The following FUBP3 variants were observed in gnomAD, a reference collection of about 807,000 sequenced individuals.
The protein encoded by FUBP3 is far upstream element binding protein 3.
In FUBP3, 28 loss-of-function variants were observed where a neutral mutation model predicts 85.6. That is an observed-to-expected ratio of 0.33 (90% CI 0.24 to 0.45). FUBP3 has a LOEUF of 0.45. Among genes scored for constraint, FUBP3 ranks in the 20% least tolerant of loss-of-function variants. The pLI is 1.00. For missense variants in FUBP3, 583 were observed against 755.1 expected (o/e 0.77, Z 2.67); for synonymous variants, 271 against 271.4 (o/e 1.00, Z 0.01).
At chr9:130,581,409 C>G (rs954385891) in intron 1 of FUBP3, 2 of 152,126 alleles carry the variant, frequency 1.3e-5, no homozygotes, top group Non-Finnish European at 2.9e-5. Flanking sequence ...AGTAATAAGC[C>G]CAATGGAGAC....
At chr9:130,629,540 C>T (rs937467299) in intron 12 of FUBP3, among the ~76,000 whole-genome samples, 5 of 152,292 alleles carry the variant, frequency 3.3e-5, no homozygotes, top group African/African-American at 1.2e-4. Context: ...CCTTTAGCGT[C>T]CCCTCCCTAC....
chr9:130,621,021 A>G (rs560491404), intron 9 of FUBP3, among the ~76,000 whole-genome samples: 3 of 152,126 alleles, frequency 2.0e-5, no homozygotes, highest in Non-Finnish European at 2.9e-5. Context: ...ATGGGTACAG[A>G]GTTGTTGGGG....
intron 1 of FUBP3, among the ~76,000 whole-genome samples, chr9:130,582,968 T>G (rs1830196241): frequency 6.6e-6 from 1 of 152,224 alleles, no homozygotes; most frequent in African/African-American, 2.4e-5. Context: ...GCATTAGATC[T>G]GTTTTGATCT....
intron 2 of FUBP3, among the ~76,000 whole-genome samples, chr9:130,603,348 A>AAAG (rs1831256131): frequency 3.6e-5 from 1 of 27,430 alleles, no homozygotes; most frequent in African/African-American, 2.8e-4. Flanking sequence ...CTCTGTCTCC[A>AAAG]AAAAAAAAAA....
At position 130,622,759 on chromosome 9, in the gene FUBP3, A is replaced by T; in HGVS notation, c.823A>T (p.Met275Leu). The T allele has an allele frequency of 6.2e-7, 1 of 1,603,870 alleles. No individual in the cohort carries two copies. Among genetic ancestry groups the T allele is most frequent in the Non-Finnish European group, 8.5e-7 (1 of 1,172,548 alleles). Reference sequence around the variant, plus strand: ...GATTGTAATAGGAAGAAACGGGGAAATGATCAAAAAGATCCAGAATGATGC... The same window carrying T: ...GATTGTAATAGGAAGAAACGGGGAATTGATCAAAAAGATCCAGAATGATGC... Reference protein sequence around the residue: ...VGIVIGRNGEMIKKIQNDAGV... With the variant: ...VGIVIGRNGELIKKIQNDAGV... The change falls in exon 10 of 19, where the codon ATG (methionine) becomes TTG (leucine). Residue 275 changes from methionine (M) to leucine (L), a missense_variant. Met to Leu is a conservative substitution (Grantham distance 15). Coordinates refer to ENST00000319725, the MANE Select transcript of FUBP3 (RefSeq NM_003934.2).
At chr9:130,627,290 G>T (rs1294613602) in intron 12 of FUBP3, among the ~76,000 whole-genome samples, 2 of 152,260 alleles carry the variant, frequency 1.3e-5, no homozygotes, top group East Asian at 3.8e-4. Context: ...GCTGCCAGCG[G>T]GGGACTCCCG....
At chr9:130,634,760 C>T in intron 17 of FUBP3, 22 bp downstream of exon 17, 1 of 1,589,444 alleles carries the variant, frequency 6.3e-7, no homozygotes, top group Non-Finnish European at 8.6e-7. Flanking sequence ...GCCCTCCTAA[C>T]CTGTGGCAGC....
intron 3 of FUBP3, 109 bp downstream of exon 3, chr9:130,610,096 AT>A: frequency 1.1e-6 from 1 of 919,222 alleles, no homozygotes; most frequent in Admixed American, 1.9e-5. Flanking sequence ...GTGAAAAAGC[AT>A]GGGTTAGGCT....
chr9:130,584,774 C>T (rs1830274183), intron 1 of FUBP3, among the ~76,000 whole-genome samples: 1 of 152,012 alleles, frequency 6.6e-6, no homozygotes, highest in Non-Finnish European at 1.5e-5. Flanking sequence ...GAGGCTGAGG[C>T]AGGAGAATTG....
chr9:130,610,148 G>C (rs1043868599), intron 3 of FUBP3, among the ~76,000 whole-genome samples, 161 bp downstream of exon 3: 3 of 152,198 alleles, frequency 2.0e-5, no homozygotes, highest in African/African-American at 7.2e-5. Flanking sequence ...TTCTAAGATA[G>C]TGTCAGCTCA....
intron 2 of FUBP3, among the ~76,000 whole-genome samples, chr9:130,598,759 C>A (rs7863546): frequency 0.7 from 106,511 of 152,140 alleles, 38,346 homozygotes; most frequent in East Asian, 0.93. Flanking sequence ...TAAATACACA[C>A]GAATTTTTAC....
At chr9:130,597,451 G>C (rs549291613) in intron 2 of FUBP3, among the ~76,000 whole-genome samples, 1 of 152,306 alleles carries the variant, frequency 6.6e-6, no homozygotes, top group African/African-American at 2.4e-5. Flanking sequence ...AATCTTTATT[G>C]CTAAGAAAAA....
chr9:130,624,609 TTGTGTGTGTGTGTGTGTGTGTG>T (rs138986229), intron 11 of FUBP3, among the ~76,000 whole-genome samples: 4 of 143,876 alleles, frequency 2.8e-5, no homozygotes, highest in South Asian at 2.3e-4. Flanking sequence ...TTACAAGATT[TTGTGTGTGTGTGTGTGTGTGTG>T]TGTGTGTGTG....
intron 8 of FUBP3, among the ~76,000 whole-genome samples, 196 bp from the exon 9 acceptor site, chr9:130,620,158 G>A (rs1829688198): frequency 6.6e-6 from 1 of 152,138 alleles, no homozygotes; most frequent in African/African-American, 2.4e-5. Context: ...GTGGACATTT[G>A]GGCAGTGGAA....
chr9:130,624,004 TAATC>T (rs1564218218), intron 11 of FUBP3, among the ~76,000 whole-genome samples: 4 of 151,874 alleles, frequency 2.6e-5, no homozygotes, highest in Non-Finnish European at 5.9e-5. Context: ...AAGTTTCAAA[TAATC>T]AAGTGTATTT....
rs1482944540 is a variant in FUBP3, at chr9:130,635,515, T to TG, written c.1583-479dup. The stretch of plus-strand genomic sequence containing the variant: ...TCATGGCCCTTCTAGGGGTTGGAGG[T>TG]GGGGGTGTTGAGTCATGGTCACCAG... On this transcript the variant is annotated intron_variant, in intron 17 of 18. Coordinates refer to ENST00000319725, the MANE Select transcript of FUBP3 (RefSeq NM_003934.2). This position sits in a 1 kb window ranked among gnomAD's most constrained non-coding sequence, Gnocchi z 4.3. Among the ~76,000 whole-genome samples, 2 of 151,952 alleles carry TG rather than the reference T, an allele frequency of 1.3e-5. No homozygotes were observed. The highest frequency in any genetic ancestry group is 2.9e-5 in the Non-Finnish European group (2 of 67,986).
intron 11 of FUBP3, among the ~76,000 whole-genome samples, chr9:130,625,742 G>A (rs1263488287): frequency 6.6e-6 from 1 of 152,220 alleles, no homozygotes; most frequent in Non-Finnish European, 1.5e-5. Flanking sequence ...ACATGGGGAG[G>A]AGGCCTTGGC....
intron 13 of FUBP3, 88 bp downstream of exon 13, chr9:130,630,876 G>T: frequency 9.8e-7 from 1 of 1,022,304 alleles, no homozygotes; most frequent in South Asian, 2.2e-5. Flanking sequence ...ACCACCTTGT[G>T]CTGCTTGTGC....
chr9:130,589,699 ATATATATTTT>A (rs1444273265), intron 1 of FUBP3, among the ~76,000 whole-genome samples: 29 of 28,568 alleles, frequency 1.0e-3, no homozygotes, highest in African/African-American at 5.3e-3. Context: ...ATATATATAT[ATATATATTTT>A]TTTTTTTTTT....
Sources: gnomAD v4.1 joint callset for allele counts (sites outside exome capture counted in the v4.1 genomes callset) on GRCh38, gnomAD v4.1.1 for gene constraint, Gnocchi (gnomAD v3.1) non-coding constraint, MANE v1.5 for transcripts, NCBI Gene and HGNC (gene_info 2026-07-23, HGNC 2026-07-21) for gene names.